Variants in PCDHGA4 observed in about 807,000 individuals in gnomAD.
PCDHGA4 encodes protocadherin gamma-A4.
In PCDHGA4, 38 loss-of-function variants were observed where a neutral mutation model predicts 54.6. The ratio of observed to expected loss-of-function variants is 0.70; its 90% CI spans 0.54 to 0.91. The LOEUF (loss-of-function observed/expected upper bound fraction) is 0.91, where lower values mean the gene tolerates loss of function less well. PCDHGA4 is among the 40% of genes least tolerant of loss of function. PCDHGA4 has a pLI of 0.00. For synonymous variants in PCDHGA4, 511 were observed against 512.9 expected (o/e 1.00, Z 0.05); for missense variants, 1,298 against 1,220.9 (o/e 1.06, Z -0.94).
rs747811019 is a variant in PCDHGA4 at position 141,490,069 on chromosome 5, C to T, written c.2515-4738C>T. 6 of 1,614,150 alleles carry T rather than the reference C, an allele frequency of 3.7e-6. No homozygotes were observed. Among genetic ancestry groups the T allele is most frequent in the Non-Finnish European group, 5.1e-6 (6 of 1,180,044 alleles). ...TCCAGACGAGGGCACCAACGGCCAA[C>T]TAGACTATTCTTTTGGAGACCACAC... On this transcript the variant is annotated intron_variant, in intron 1 of 3. Transcript: ENST00000571252. This position sits in a 1 kb window ranked among gnomAD's most constrained non-coding sequence, Gnocchi z 5.4.
At chr5:141,383,396 C>G (rs749879106) in intron 1 of PCDHGA4, 3 of 1,614,028 alleles carry the variant, frequency 1.9e-6, no homozygotes, top group Non-Finnish European at 2.5e-6. Context: ...GGCACGAACT[C>G]CCTCCAGAGT....
At chr5:141,398,621 ACT>A in intron 1 of PCDHGA4, 3 of 1,613,968 alleles carry the variant, frequency 1.9e-6, no homozygotes, top group Non-Finnish European at 2.5e-6. Flanking sequence ...ATTGGCTTAA[ACT>A]CTCTGCAGAA....
rs766038218 is a variant in PCDHGA4 at position 141,398,581 on chromosome 5, T to C, written c.2514+40960T>C. The stretch of plus-strand genomic sequence containing the variant: ...TGAGTCTGCACAGCCTGGCACAAGA[T>C]TTATACTAGAAGTAGCAGAAGATGC... On this transcript the variant is annotated intron_variant, in intron 1 of 3. Transcript: ENST00000571252. The C allele has an allele frequency of 1.2e-5, 20 of 1,614,028 alleles. No individual in the cohort carries two copies. In the Admixed American group the frequency reaches 2.2e-4, roughly 17 times the overall value.
chr5:141,413,748 T>C (rs1264580781), intron 1 of PCDHGA4: 2 of 1,613,288 alleles, frequency 1.2e-6, no homozygotes, highest in Non-Finnish European at 1.7e-6. Context: ...GCCGTGCCAA[T>C]GGCGTCAAGT....
chr5:141,475,550 TA>T (rs2099365126), intron 1 of PCDHGA4, among the ~76,000 whole-genome samples: 2 of 152,246 alleles, frequency 1.3e-5, no homozygotes, highest in Non-Finnish European at 2.9e-5. Context: ...AGGGTCCGGC[TA>T]ATTGTCTGTC....
At chr5:141,401,548 G>T (rs1291544476) in intron 1 of PCDHGA4, among the ~76,000 whole-genome samples, 1 of 152,162 alleles carries the variant, frequency 6.6e-6, no homozygotes, top group Non-Finnish European at 1.5e-5. Context: ...AAAAGGAAAT[G>T]CTATTGCCTG....
At chr5:141,478,567 C>A in intron 1 of PCDHGA4, 1 of 1,593,812 alleles carries the variant, frequency 6.3e-7, no homozygotes, top group Non-Finnish European at 8.6e-7. Flanking sequence ...GCAAGTCATG[C>A]TTGACCCTGT....
intron 1 of PCDHGA4, among the ~76,000 whole-genome samples, chr5:141,402,471 A>G (rs1241536886): frequency 6.6e-6 from 1 of 152,238 alleles, no homozygotes; most frequent in Non-Finnish European, 1.5e-5. Context: ...CTAGAAATAG[A>G]GTGCAAAGTT....
intron 1 of PCDHGA4, among the ~76,000 whole-genome samples, chr5:141,429,387 T>TA (rs11410533): frequency 0.01 from 1,566 of 151,436 alleles, 8 homozygotes; most frequent in Middle Eastern, 0.031. Flanking sequence ...GTTTTTTTTT[T>TA]AAAAAAAATT....
At chr5:141,364,875 T>C (rs909012191) in intron 1 of PCDHGA4, 1 of 1,613,818 alleles carries the variant, frequency 6.2e-7, no homozygotes, top group Non-Finnish European at 8.5e-7. Flanking sequence ...TCTCTGGATG[T>C]GGTAAGCGGA....
intron 1 of PCDHGA4, among the ~76,000 whole-genome samples, chr5:141,368,655 A>G (rs761837441): frequency 1.3e-5 from 2 of 152,170 alleles, no homozygotes; most frequent in Non-Finnish European, 2.9e-5. Flanking sequence ...CAATGGAAAA[A>G]TATCTTTAAA....
At chr5:141,392,834 C>T in intron 1 of PCDHGA4, 2 of 1,607,664 alleles carry the variant, frequency 1.2e-6, no homozygotes, top group Non-Finnish European at 1.7e-6. Flanking sequence ...CACAGAGTCG[C>T]CCCAGACGCG....
chr5:141,490,045 C>G lies in PCDHGA4; in HGVS notation c.2515-4762C>G, dbSNP rs530803072. 6 of 1,614,114 alleles carry G rather than the reference C, an allele frequency of 3.7e-6. No individual in the cohort carries two copies. The highest frequency in any genetic ancestry group is 5.1e-6 in the Non-Finnish European group (6 of 1,180,014). On this transcript the variant is annotated intron_variant, in intron 1 of 3. Coordinates refer to ENST00000571252, the MANE Select transcript of PCDHGA4 (RefSeq NM_018917.4). This position sits in a 1 kb window ranked among gnomAD's most constrained non-coding sequence, Gnocchi z 5.4. ...GCTGCTCCGCCTCAATGCCACTGAT[C>G]CAGACGAGGGCACCAACGGCCAACT...
intron 1 of PCDHGA4, chr5:141,385,286 A>G: frequency 3.1e-6 from 5 of 1,613,826 alleles, no homozygotes; most frequent in Non-Finnish European, 4.2e-6. Flanking sequence ...ACATCCGTAG[A>G]TTTTCAGGAA....
Position 141,432,326 on chromosome 5 carries a change from G to C in PCDHGA4, c.2515-62481G>C. The C allele has an allele frequency of 1.2e-6, 2 of 1,614,228 alleles. No individual in the cohort carries two copies. The highest frequency in any genetic ancestry group is 2.2e-5 in the East Asian group (1 of 44,890). On this transcript the variant is annotated intron_variant, in intron 1 of 3. Transcript: ENST00000571252. This position sits in a 1 kb window ranked among gnomAD's most constrained non-coding sequence, Gnocchi z 6.0. ...GTATGCGCTGAGCTCCTTCGACTAC[G>C]AGCAGTTCCGAGACTTGCAAGTGAA...
chr5:141,432,073 C>T lies in PCDHGA4; in HGVS notation c.2515-62734C>T, dbSNP rs1276949951. On this transcript the variant is annotated intron_variant, in intron 1 of 3. Transcript: ENST00000571252. This position sits in a 1 kb window ranked among gnomAD's most constrained non-coding sequence, Gnocchi z 6.0. ...CGCCCCTATCCACGGAAACTCATAT[C>T]TCGCTGAACGTGGCAGACACCAACG... is the stretch of plus-strand genomic sequence containing the variant. 3.1e-6 allele frequency: 5 copies of T among 1,614,208 alleles called. No homozygotes were observed. Among genetic ancestry groups the T allele is most frequent in the Non-Finnish European group, 4.2e-6 (5 of 1,180,040 alleles).
intron 1 of PCDHGA4, among the ~76,000 whole-genome samples, chr5:141,438,678 G>C (rs2098050264): frequency 7.1e-6 from 1 of 140,560 alleles, no homozygotes; most frequent in African/African-American, 2.6e-5. Context: ...ATTTGGAGTA[G>C]GGGATGGAGT....
chr5:141,420,525 C>T (rs895355117), intron 1 of PCDHGA4: 2 of 358,086 alleles, frequency 5.6e-6, no homozygotes, highest in South Asian at 2.1e-4. Flanking sequence ...AAATACCTTT[C>T]GGTTAAAAAT....
chr5:141,385,690 G>A (rs1308061047), intron 1 of PCDHGA4: 1 of 326,260 alleles, frequency 3.1e-6, no homozygotes, highest in African/African-American at 2.2e-5. Context: ...GTCTTCTCAG[G>A]ATTCTCTTTA....
Sources: gnomAD v4.1 joint callset for allele counts (sites outside exome capture counted in the v4.1 genomes callset) on GRCh38, gnomAD v4.1.1 for gene constraint, Gnocchi (gnomAD v3.1) non-coding constraint, MANE v1.5 for transcripts, NCBI Gene and HGNC (gene_info 2026-07-23, HGNC 2026-07-21) for gene names.